RPS6KA2: variants seen among roughly 807,000 people sequenced by gnomAD.
RPS6KA2 encodes ribosomal protein S6 kinase alpha-2.
In RPS6KA2, 42 loss-of-function variants were observed where a neutral mutation model predicts 91.8. That is an observed-to-expected ratio of 0.46 (90% CI 0.36 to 0.59). RPS6KA2 has a LOEUF of 0.59. RPS6KA2 is among the 20% of genes least tolerant of loss of function. RPS6KA2 has a pLI of 0.00. For synonymous variants in RPS6KA2, 414 were observed against 393.6 expected, an observed-to-expected ratio of 1.05 and a Z score of -0.61; for missense variants, 798 against 978.5, an observed-to-expected ratio of 0.82 and a Z score of 2.46.
intron 1 of RPS6KA2, among the ~76,000 whole-genome samples, chr6:166,597,285 C>T (rs1176018572): frequency 1.3e-5 from 2 of 152,168 alleles, no homozygotes; most frequent in South Asian, 2.1e-4. Flanking sequence ...GACACAGCCC[C>T]CGAGGACGAA....
chr6:166,446,246 G>A (rs139966924), intron 14 of RPS6KA2, among the ~76,000 whole-genome samples: 21 of 152,326 alleles, frequency 1.4e-4, no homozygotes, highest in Non-Finnish European at 2.5e-4. Flanking sequence ...CGGCTGAAAC[G>A]TGCTTCTGAA....
At chr6:166,460,183 A>C (rs1162325329) in intron 11 of RPS6KA2, among the ~76,000 whole-genome samples, 1 of 152,166 alleles carries the variant, frequency 6.6e-6, no homozygotes, top group African/African-American at 2.4e-5. Context: ...TCTGCAGAGA[A>C]CCGGCCCTTC....
At chr6:166,669,247 G>A (rs929593557) in intron 2 of RPS6KA2, among the ~76,000 whole-genome samples, 6 of 152,058 alleles carry the variant, frequency 3.9e-5, no homozygotes, top group African/African-American at 1.4e-4. Context: ...CAGAGCTGGG[G>A]GATCAGCACC....
intron 2 of RPS6KA2, among the ~76,000 whole-genome samples, chr6:166,788,676 G>A (rs922029929): frequency 2.6e-5 from 4 of 152,070 alleles, no homozygotes; most frequent in African/African-American, 9.7e-5. Context: ...TCACACACCG[G>A]GGCCTGTCCG....
At chr6:166,544,045 AC>A (rs1173012946) in intron 1 of RPS6KA2, among the ~76,000 whole-genome samples, 1 of 152,234 alleles carries the variant, frequency 6.6e-6, no homozygotes, top group African/African-American at 2.4e-5. Flanking sequence ...CCAGGTTGTC[AC>A]CTGGCCTCCA....
rs1232001220 is a variant in RPS6KA2 at position 166,612,527 on chromosome 6, A to G, written c.99+14394T>C. On this transcript the variant is annotated intron_variant, in intron 1 of 20. Transcript: ENST00000265678. The surrounding 1 kb of genome is among the most constrained non-coding windows in gnomAD (Gnocchi z 4.3). ...TTCCTCTCTCCCTCCATGACAGACC[A>G]GGGCGAGGAAAGGAGAAATGATGAG... Among the ~76,000 whole-genome samples the G allele has an allele frequency of 6.6e-6, 1 of 152,108 alleles. No homozygotes were observed. The highest frequency in any genetic ancestry group is 1.5e-5 in the Non-Finnish European group (1 of 67,994).
chr6:166,469,941 C>T (rs1780697661), intron 10 of RPS6KA2, 36 bp from the exon 11 acceptor site: 4 of 1,571,064 alleles, frequency 2.5e-6, no homozygotes, highest in Non-Finnish European at 3.5e-6. Context: ...CAGAACAAAT[C>T]CAAGATGGGG....
intron 2 of RPS6KA2, among the ~76,000 whole-genome samples, chr6:166,632,880 T>C (rs1787124485): frequency 6.6e-6 from 1 of 151,838 alleles, no homozygotes; most frequent in Non-Finnish European, 1.5e-5. Flanking sequence ...CACTGAGCGG[T>C]GTGGGGAGGC....
chr6:166,818,914 C>A (rs187437201), intron 2 of RPS6KA2, among the ~76,000 whole-genome samples: 1 of 151,952 alleles, frequency 6.6e-6, no homozygotes, highest in Non-Finnish European at 1.5e-5. Flanking sequence ...CTGCTCCAGA[C>A]CTGGAGCCAG....
At chr6:166,536,621 G>A (rs980039732) in intron 2 of RPS6KA2, among the ~76,000 whole-genome samples, 3 of 152,090 alleles carry the variant, frequency 2.0e-5, no homozygotes, top group African/African-American at 4.8e-5. Flanking sequence ...TCCACGAAGC[G>A]GACCTAAGCC....
intron 2 of RPS6KA2, among the ~76,000 whole-genome samples, chr6:166,664,096 C>T (rs1788247519): frequency 6.6e-6 from 1 of 152,238 alleles, no homozygotes; most frequent in Non-Finnish European, 1.5e-5. Flanking sequence ...ACTTATGTGT[C>T]CATCTGCACA....
intron 2 of RPS6KA2, among the ~76,000 whole-genome samples, chr6:166,735,761 C>T (rs1790656583): frequency 6.6e-6 from 1 of 152,202 alleles, no homozygotes; most frequent in African/African-American, 2.4e-5. Flanking sequence ...TGGGAAGCAG[C>T]TGTCAATACA....
intron 8 of RPS6KA2, 23 bp downstream of exon 8, chr6:166,498,485 G>A: frequency 6.3e-7 from 1 of 1,594,638 alleles, no homozygotes. Flanking sequence ...CCATGGCACA[G>A]AAGAGGGTCG....
At chr6:166,608,501 T>C (rs3799578) in intron 1 of RPS6KA2, among the ~76,000 whole-genome samples, 1 of 152,138 alleles carries the variant, frequency 6.6e-6, no homozygotes, top group African/African-American at 2.4e-5. Flanking sequence ...TTTCTAGTTA[T>C]TGAATTCAGG....
At chr6:166,692,685 A>C (rs972886843) in intron 2 of RPS6KA2, among the ~76,000 whole-genome samples, 1 of 152,264 alleles carries the variant, frequency 6.6e-6, no homozygotes, top group African/African-American at 2.4e-5. Context: ...ATAATAACTA[A>C]CTGGCCTGTT....
chr6:166,585,856 AAT>A (rs1490662700), intron 1 of RPS6KA2, among the ~76,000 whole-genome samples: 1 of 27,638 alleles, frequency 3.6e-5, no homozygotes, highest in Non-Finnish European at 5.9e-5. Flanking sequence ...GAGGTCAAAT[AAT>A]ATACCAAACT....
In RPS6KA2 at chr6:166,694,232, A is replaced by G. The variant is rs908588917; in HGVS notation, c.124-155448T>C. Among the ~76,000 whole-genome samples, 16 of 152,340 alleles carry G rather than the reference A, an allele frequency of 1.1e-4. No homozygotes were observed. In the East Asian group the frequency reaches 3.1e-3, roughly 29 times the overall value. ...TCACTTGGCAGATCACTTGACCAAC[A>G]CAGGAACCGGCTGCTTTATTTCCTG... is the stretch of plus-strand genomic sequence containing the variant. On this transcript the variant is annotated intron_variant, in intron 2 of 21. Coordinates refer to the RPS6KA2 transcript ENST00000503859.
rs1372978223 is a variant in RPS6KA2 at position 166,453,340 on chromosome 6, G to A, written c.1076-2107C>T. Among the ~76,000 whole-genome samples the A allele has an allele frequency of 3.3e-5, 5 of 152,056 alleles. No individual in the cohort carries two copies. In the East Asian group the frequency reaches 9.6e-4, roughly 29 times the overall value. ...GCAACTGACAGGGGAGTAATATCTAGAATTTACAAGGAACTCGAACAACTC... is the reference window on the plus strand; with the variant it reads ...GCAACTGACAGGGGAGTAATATCTAAAATTTACAAGGAACTCGAACAACTC... On this transcript the variant is annotated intron_variant, in intron 12 of 20. Coordinates refer to ENST00000265678, the MANE Select transcript of RPS6KA2 (RefSeq NM_021135.6).
chr6:166,781,449 G>A (rs112644117), intron 2 of RPS6KA2, among the ~76,000 whole-genome samples: 3,461 of 152,294 alleles, frequency 0.023, 145 homozygotes, highest in African/African-American at 0.079. Flanking sequence ...CCCAGCAGAG[G>A]CAGGACTTCG....
Sources: gnomAD v4.1 joint callset for allele counts (sites outside exome capture counted in the v4.1 genomes callset) on GRCh38, gnomAD v4.1.1 for gene constraint, Gnocchi (gnomAD v3.1) non-coding constraint, MANE v1.5 for transcripts, NCBI Gene and HGNC (gene_info 2026-07-23, HGNC 2026-07-21) for gene names.